The following SSBP2 variants were observed in gnomAD, a reference collection of about 807,000 sequenced individuals.
SSBP2 encodes the protein single-stranded DNA-binding protein 2.
Under a neutral mutation model 61.8 loss-of-function variants are expected in SSBP2, and 17 were observed. The ratio of observed to expected loss-of-function variants is 0.28; its 90% CI spans 0.19 to 0.41. SSBP2 has a LOEUF of 0.41. Among genes scored for constraint, SSBP2 ranks in the 10% least tolerant of loss-of-function variants. The pLI, the probability that SSBP2 is intolerant of heterozygous loss-of-function variation, is 1.00. For missense variants in SSBP2, 310 were observed against 458.7 expected, an observed-to-expected ratio of 0.68 and a Z score of 2.96; for synonymous variants, 139 against 141.3, an observed-to-expected ratio of 0.98 and a Z score of 0.12.
At chr5:81,471,686 G>C (rs2154020794) in intron 8 of SSBP2, among the ~76,000 whole-genome samples, 1 of 151,804 alleles carries the variant, frequency 6.6e-6, no homozygotes, top group Non-Finnish European at 1.5e-5. Context: ...TCTAAATGAG[G>C]GTTTTATTAG....
At chr5:81,613,911 T>C (rs1157641516) in intron 4 of SSBP2, among the ~76,000 whole-genome samples, 2 of 152,228 alleles carry the variant, frequency 1.3e-5, no homozygotes, top group African/African-American at 2.4e-5. Flanking sequence ...CTGCTTTATC[T>C]ACTTTTTCTC....
intron 12 of SSBP2, chr5:81,443,071 AAAATTCAGATTC>A (rs1206832281): frequency 7.4e-4 from 115 of 155,090 alleles, no homozygotes; most frequent in African/African-American, 2.6e-3. Flanking sequence ...AATATCTCTT[AAAATTCAGATTC>A]AGTTGCTTTT....
chr5:81,507,460 T>A (rs1768264784), intron 5 of SSBP2, among the ~76,000 whole-genome samples: 1 of 152,014 alleles, frequency 6.6e-6, no homozygotes, highest in African/African-American at 2.4e-5. Context: ...TATATCAAGA[T>A]AAAAATCAAA....
chr5:81,623,331 CTTT>C (rs35687529), intron 3 of SSBP2, among the ~76,000 whole-genome samples: 1 of 110,590 alleles, frequency 9.0e-6, no homozygotes, highest in Non-Finnish European at 1.8e-5. Context: ...CATTGTAGTA[CTTT>C]TTTTTTTTTT....
At chr5:81,740,595 C>T (rs1269083230) in intron 1 of SSBP2, among the ~76,000 whole-genome samples, 3 of 152,152 alleles carry the variant, frequency 2.0e-5, no homozygotes, top group Non-Finnish European at 2.9e-5. Flanking sequence ...ATAGGCCATA[C>T]GCTGCTTGGA....
intron 1 of SSBP2, among the ~76,000 whole-genome samples, chr5:81,709,461 A>T (rs1329081212): frequency 1.3e-5 from 2 of 151,906 alleles, no homozygotes; most frequent in African/African-American, 2.4e-5. Context: ...ACCTATATGC[A>T]GTTCCTAATA....
At chr5:81,437,815 T>A (rs1762769190) in intron 14 of SSBP2, 1 of 153,742 alleles carries the variant, frequency 6.5e-6, no homozygotes, top group African/African-American at 2.4e-5. Context: ...GATATCTACA[T>A]ATATTTTTTG....
intron 3 of SSBP2, among the ~76,000 whole-genome samples, chr5:81,629,242 C>T (rs552092154): frequency 6.6e-6 from 1 of 152,324 alleles, no homozygotes; most frequent in East Asian, 1.9e-4. Flanking sequence ...GCCTTGGCCT[C>T]CCAAAGTGCT....
intron 16 of SSBP2, among the ~76,000 whole-genome samples, chr5:81,420,878 T>C (rs1401292268): frequency 6.6e-6 from 1 of 152,172 alleles, no homozygotes; most frequent in Non-Finnish European, 1.5e-5. Context: ...CAAGGCTGGA[T>C]CATAACTAAG....
At chr5:81,709,953 C>T (rs899432173) in intron 1 of SSBP2, among the ~76,000 whole-genome samples, 6 of 151,894 alleles carry the variant, frequency 4.0e-5, no homozygotes, top group African/African-American at 1.4e-4. Context: ...GAAAAATAAG[C>T]AAATTCTTTT....
chr5:81,539,959 T>G (rs992866504), intron 4 of SSBP2, among the ~76,000 whole-genome samples: 12 of 152,182 alleles, frequency 7.9e-5, no homozygotes, highest in African/African-American at 2.9e-4. Context: ...GTTCTCATTG[T>G]TCAACTCTCA....
intron 4 of SSBP2, among the ~76,000 whole-genome samples, chr5:81,552,452 A>C (rs1437710036): frequency 6.6e-6 from 1 of 152,098 alleles, no homozygotes; most frequent in Admixed American, 6.5e-5. Context: ...CAGCCTGACC[A>C]ACATGGTAAA....
At chr5:81,503,944 T>C (rs1767988453) in intron 5 of SSBP2, among the ~76,000 whole-genome samples, 3 of 152,130 alleles carry the variant, frequency 2.0e-5, no homozygotes, top group South Asian at 4.1e-4. Context: ...TGAGAACTCA[T>C]GGACCCAAAG....
intron 4 of SSBP2, among the ~76,000 whole-genome samples, chr5:81,604,659 C>T (rs957580518): frequency 2.0e-5 from 3 of 152,086 alleles, no homozygotes; most frequent in African/African-American, 7.2e-5. Context: ...ACTGTATAAA[C>T]TAATTATCTG....
chr5:81,664,820 C>T (rs1435164092), intron 1 of SSBP2, among the ~76,000 whole-genome samples: 5 of 152,154 alleles, frequency 3.3e-5, no homozygotes, highest in African/African-American at 9.7e-5. Context: ...AGCATCTTTC[C>T]TCCTTATTTC....
At chr5:81,750,846 G>A (rs1003011830) in intron 1 of SSBP2, 135 bp downstream of exon 1, 4 of 974,668 alleles carry the variant, frequency 4.1e-6, no homozygotes, top group Non-Finnish European at 6.2e-6. Context: ...CCCCCATCGC[G>A]GCACCCCTCC....
intron 1 of SSBP2, among the ~76,000 whole-genome samples, chr5:81,661,784 A>G (rs1750722176): frequency 6.6e-6 from 1 of 152,066 alleles, no homozygotes; most frequent in South Asian, 2.1e-4. Flanking sequence ...ATTTTCCCCC[A>G]TTCCCTAGGT....
intron 4 of SSBP2, among the ~76,000 whole-genome samples, chr5:81,526,905 C>T (rs914633468): frequency 6.6e-6 from 1 of 151,812 alleles, no homozygotes; most frequent in African/African-American, 2.4e-5. Context: ...AAATATTCTT[C>T]AGGCTGAGAC....
upstream of SSBP2, chr5:81,751,140 C>A: frequency 1.5e-6 from 2 of 1,296,834 alleles, no homozygotes; most frequent in South Asian, 1.3e-5. Context: ...CGCAGCCACC[C>A]CCACTATTGG....
Sources: gnomAD v4.1 joint callset for allele counts (sites outside exome capture counted in the v4.1 genomes callset) on GRCh38, gnomAD v4.1.1 for gene constraint, MANE v1.5 for transcripts, NCBI Gene and HGNC (gene_info 2026-07-23, HGNC 2026-07-21) for gene names.